The following AMOTL1 variants were observed in gnomAD, a reference collection of about 807,000 sequenced individuals.
AMOTL1 encodes the protein angiomotin like 1, also known as angiomotin-like protein 1.
A neutral mutation model predicts 102.9 loss-of-function variants in AMOTL1; 45 were observed. That is an observed-to-expected ratio of 0.44 (90% CI 0.34 to 0.56). The LOEUF is 0.56. Ranked by LOEUF, AMOTL1 falls within the 20% of genes least tolerant of loss-of-function variation. The probability of loss-of-function intolerance (pLI) is 0.01; values close to 1 mark genes in which losing one functional copy is unlikely to be tolerated. For synonymous variants in AMOTL1, 481 were observed against 484.7 expected (o/e 0.99, Z 0.10); for missense variants, 1,114 against 1,225.6 (o/e 0.91, Z 1.36).
intron 1 of AMOTL1, among the ~76,000 whole-genome samples, chr11:94,714,168 C>T (rs891592380): frequency 1.3e-5 from 2 of 151,852 alleles, no homozygotes; most frequent in African/African-American, 4.8e-5. Context: ...ATTAGTCTGT[C>T]GATATGGTGA....
At chr11:94,774,883 T>C (rs1362162102) in intron 1 of AMOTL1, among the ~76,000 whole-genome samples, 1 of 152,356 alleles carries the variant, frequency 6.6e-6, no homozygotes, top group Non-Finnish European at 1.5e-5. Context: ...AGGTTATTAG[T>C]TGATATAGCT....
chr11:94,856,464 AGCTCT>A (rs1952667816), intron 8 of AMOTL1, among the ~76,000 whole-genome samples: 1 of 152,130 alleles, frequency 6.6e-6, no homozygotes, highest in South Asian at 2.1e-4. Context: ...TCTGGGGGGC[AGCTCT>A]GCTGGTCTCA....
chr11:94,866,323 G>A (rs1952882488), intron 11 of AMOTL1, 155 bp downstream of exon 11: 1 of 719,196 alleles, frequency 1.4e-6, no homozygotes, highest in Admixed American at 2.7e-5. Context: ...TTCAGTTATA[G>A]ATATGTGGAA....
chr11:94,738,302 G>A (rs906282102), intron 2 of AMOTL1, among the ~76,000 whole-genome samples: 1 of 150,154 alleles, frequency 6.7e-6, no homozygotes, highest in Non-Finnish European at 1.5e-5. Flanking sequence ...CTGTCACCCA[G>A]GCTGGACTGC....
At chr11:94,811,178 AAAT>A (rs1279188251) in intron 3 of AMOTL1, among the ~76,000 whole-genome samples, 1 of 152,124 alleles carries the variant, frequency 6.6e-6, no homozygotes, top group Non-Finnish European at 1.5e-5. Context: ...CTTGTTATGT[AAAT>A]AAAGCCCCTC....
intron 12 of AMOTL1, 47 bp downstream of exon 12, chr11:94,869,520 T>C: frequency 6.5e-7 from 1 of 1,526,870 alleles, no homozygotes; most frequent in East Asian, 2.4e-5. Context: ...TGTGGAACTG[T>C]CTGGCCTAAG....
chr11:94,746,693 C>T (rs1392572616), intron 3 of AMOTL1, among the ~76,000 whole-genome samples: 1 of 152,162 alleles, frequency 6.6e-6, no homozygotes, highest in Non-Finnish European at 1.5e-5. Flanking sequence ...AGTCCTGAGA[C>T]CAGTTCCCAA....
chr11:94,787,666 C>T (rs1410492163), intron 1 of AMOTL1, among the ~76,000 whole-genome samples: 15 of 120,986 alleles, frequency 1.2e-4, no homozygotes, highest in African/African-American at 4.6e-4. Context: ...CCAGCCTGGG[C>T]GACAGAGCGA....
At chr11:94,757,024 A>G (rs1171739002) in intron 3 of AMOTL1, among the ~76,000 whole-genome samples, 1 of 147,066 alleles carries the variant, frequency 6.8e-6, no homozygotes, top group African/African-American at 2.5e-5. Context: ...CTATTTTGGT[A>G]TCTTGAAATA....
At chr11:94,811,802 G>A (rs1419950094) in intron 3 of AMOTL1, among the ~76,000 whole-genome samples, 1 of 152,208 alleles carries the variant, frequency 6.6e-6, no homozygotes, top group African/African-American at 2.4e-5. Context: ...TGGTTGTTAA[G>A]TTTAGCCAAG....
At chr11:94,830,972 A>G (rs1004397619) in intron 5 of AMOTL1, among the ~76,000 whole-genome samples, 4 of 152,264 alleles carry the variant, frequency 2.6e-5, no homozygotes, top group East Asian at 1.9e-4. Flanking sequence ...TTGAGCAAAC[A>G]TAGAACTTGC....
intron 3 of AMOTL1, among the ~76,000 whole-genome samples, chr11:94,762,932 CTT>C (rs1950811907): frequency 6.6e-6 from 1 of 152,210 alleles, no homozygotes; most frequent in Admixed American, 6.5e-5. Flanking sequence ...AGATCTATAA[CTT>C]AACGATCCCG....
chr11:94,793,249 C>T (rs559847673), intron 1 of AMOTL1, among the ~76,000 whole-genome samples: 7 of 152,260 alleles, frequency 4.6e-5, no homozygotes, highest in Non-Finnish European at 7.3e-5. Flanking sequence ...TTTCTTTGAT[C>T]GAAGCATATG....
In AMOTL1 at chr11:94,810,410, AAAGAC is replaced by A. The variant is rs544089466; in HGVS notation, c.1121+10101_1121+10105del. 2.1e-3 allele frequency among the ~76,000 whole-genome samples: 314 copies of A among 152,040 alleles called. 1 individual carries two copies. Among genetic ancestry groups the A allele is most frequent in the South Asian group, 0.011 (51 of 4,800 alleles). On this transcript the variant is annotated intron_variant, in intron 3 of 12. Coordinates refer to ENST00000433060, the MANE Select transcript of AMOTL1 (RefSeq NM_130847.3). ...TTTCATAGTGCACTTTTTTTCAAAC[AAAGAC>A]ATTTCTCTAAGTGTCTAAACTACTC...
At chr11:94,728,039 G>C (rs1565329314) in intron 1 of AMOTL1, among the ~76,000 whole-genome samples, 1 of 152,168 alleles carries the variant, frequency 6.6e-6, no homozygotes, top group Admixed American at 6.6e-5. Context: ...ATGATGATTG[G>C]TGCCTATCCT....
At chr11:94,794,519 G>A (rs1349098119) in intron 1 of AMOTL1, among the ~76,000 whole-genome samples, 1 of 152,222 alleles carries the variant, frequency 6.6e-6, no homozygotes, top group Admixed American at 6.5e-5. Flanking sequence ...TTTGAGTGGG[G>A]CAGAGAGCAC....
chr11:94,771,818 T>G (rs1009634867), intron 1 of AMOTL1, among the ~76,000 whole-genome samples: 1 of 152,108 alleles, frequency 6.6e-6, no homozygotes, highest in African/African-American at 2.4e-5. Context: ...TCAGGCATTT[T>G]CCCCCCATCT....
At chr11:94,794,207 T>C (rs1951328207) in intron 1 of AMOTL1, among the ~76,000 whole-genome samples, 1 of 152,250 alleles carries the variant, frequency 6.6e-6, no homozygotes, top group Admixed American at 6.5e-5. Context: ...TAAGTTACTT[T>C]AGCTGAAAAG....
In AMOTL1 at chr11:94,859,789, G is replaced by A; in HGVS notation, c.2135+74G>A. 8.8e-6 allele frequency: 13 copies of A among 1,469,544 alleles called. 1 individual carries two copies. The South Asian group carries it at 1.6e-4, about 18-fold the overall frequency. 91.0% of individuals were successfully genotyped at this position (1,469,544 alleles called of 1,614,324 possible). A position where few individuals can be genotyped will look rare whatever the true frequency, so the allele number is the denominator to read the frequency against. ...CAAAACAAAACAAACAGGCTATCCA[G>A]AGAGGTCCAAGGCCCATCCTAGGGA... is the stretch of plus-strand genomic sequence containing the variant. On this transcript the variant is annotated intron_variant, in intron 9 of 12. Coordinates refer to ENST00000433060, the MANE Select transcript of AMOTL1 (RefSeq NM_130847.3).
Sources: gnomAD v4.1 joint callset for allele counts (sites outside exome capture counted in the v4.1 genomes callset) on GRCh38, gnomAD v4.1.1 for gene constraint, MANE v1.5 for transcripts, NCBI Gene and HGNC (gene_info 2026-07-23, HGNC 2026-07-21) for gene names.